Variants in PIEZO2 observed in about 807,000 individuals in gnomAD.
PIEZO2 encodes the protein piezo type mechanosensitive ion channel component 2.
In PIEZO2, 172 loss-of-function variants were observed where a neutral mutation model predicts 337.3. The ratio of observed to expected loss-of-function variants is 0.51; its 90% CI spans 0.45 to 0.58. PIEZO2 has a LOEUF of 0.58. PIEZO2 is among the 20% of genes least tolerant of loss of function. The pLI, the probability that PIEZO2 is intolerant of heterozygous loss-of-function variation, is 0.00. For synonymous variants in PIEZO2, 1,251 were observed against 1,228.5 expected, an observed-to-expected ratio of 1.02 and a Z score of -0.38; for missense variants, 3,028 against 3,391.3, an observed-to-expected ratio of 0.89 and a Z score of 2.66.
Position 10,969,843 on chromosome 18 carries a change from C to T in PIEZO2, c.286+9692G>A, listed in dbSNP as rs576671438. ...CAGGTCCAGCAGGTGAGGACACCAC[C>T]GAGAATCGGTCACAAAACAAAGCAA... On this transcript the variant is annotated intron_variant, in intron 3 of 55. Coordinates refer to ENST00000674853, the MANE Select transcript of PIEZO2 (RefSeq NM_001378183.1). The surrounding 1 kb of genome is among the most constrained non-coding windows in gnomAD (Gnocchi z 4.5). Among the ~76,000 whole-genome samples the T allele has an allele frequency of 1.3e-5, 2 of 152,126 alleles. No individual in the cohort carries two copies. The highest frequency in any genetic ancestry group is 4.2e-4 in the South Asian group (2 of 4,796).
chr18:10,756,009 A>AT (rs1598436685), intron 27 of PIEZO2, among the ~76,000 whole-genome samples: 6 of 58,146 alleles, frequency 1.0e-4, no homozygotes, highest in Non-Finnish European at 2.1e-4. Context: ...AGGGATGGAG[A>AT]ATGAGGAGGA....
chr18:11,046,336 C>A (rs1320853700), intron 2 of PIEZO2, among the ~76,000 whole-genome samples: 1 of 152,366 alleles, frequency 6.6e-6, no homozygotes, highest in South Asian at 2.1e-4. Flanking sequence ...TCCTATGGGA[C>A]AAGTGTTGGC....
At chr18:10,751,952 C>T (rs1473543225) in intron 28 of PIEZO2, among the ~76,000 whole-genome samples, 1 of 152,072 alleles carries the variant, frequency 6.6e-6, no homozygotes, top group Non-Finnish European at 1.5e-5. Flanking sequence ...TGAAACATAG[C>T]TACTTAAGAG....
chr18:10,777,846 G>T (rs747830553), intron 18 of PIEZO2, among the ~76,000 whole-genome samples: 1 of 152,124 alleles, frequency 6.6e-6, no homozygotes, highest in Admixed American at 6.5e-5. Flanking sequence ...TTATTATCTA[G>T]AACTCAAAAG....
chr18:10,768,508 A>T (rs1344002238), intron 21 of PIEZO2, among the ~76,000 whole-genome samples: 1 of 152,246 alleles, frequency 6.6e-6, no homozygotes, highest in African/African-American at 2.4e-5. Flanking sequence ...ATCACGCACA[A>T]CACGAGTGGC....
chr18:10,715,786 A>G lies in PIEZO2; in HGVS notation c.5120T>C (p.Leu1707Ser). 1 of 1,532,668 alleles carries G rather than the reference A, an allele frequency of 6.5e-7. No individual in the cohort carries two copies. The highest frequency in any genetic ancestry group is 1.2e-5 in the South Asian group (1 of 83,466). 94.9% of individuals were successfully genotyped at this position (1,532,668 alleles called of 1,614,324 possible). The change falls in exon 38 of 56, where the codon TTG becomes TCG. Residue 1707 changes from leucine to serine, a missense_variant. Leu to Ser is a moderately radical substitution (Grantham distance 145). Coordinates refer to ENST00000674853, the MANE Select transcript of PIEZO2 (RefSeq NM_001378183.1). Reference protein sequence around the residue: ...DNIIKRIFNILKFTWVLFLAT... With the variant: ...DNIIKRIFNISKFTWVLFLAT... ...CAGAAATAGGACCCAGGTAAATTTCAAAATATTAAATATCCTCTTGATGAT... is the reference window on the plus strand; with the variant it reads ...CAGAAATAGGACCCAGGTAAATTTCGAAATATTAAATATCCTCTTGATGAT...
chr18:11,098,389 AT>A (rs1215792782), intron 1 of PIEZO2, among the ~76,000 whole-genome samples: 1 of 151,820 alleles, frequency 6.6e-6, no homozygotes, highest in Non-Finnish European at 1.5e-5. Context: ...CAGTTTTCTA[AT>A]TTTTTTCTTT....
rs979862809 is a variant in PIEZO2 at position 10,766,835 on chromosome 18, G to A, written c.2946+3313C>T. ...TTTCAAGCTACTACACTAGCACCTA[G>A]CACCATGTACGCATTCACTTTATTG... On this transcript the variant is annotated intron_variant, in intron 21 of 55. Coordinates refer to ENST00000674853, the MANE Select transcript of PIEZO2 (RefSeq NM_001378183.1). This position sits in a 1 kb window ranked among gnomAD's most constrained non-coding sequence, Gnocchi z 6.1. Among the ~76,000 whole-genome samples, 2 of 152,228 alleles carry A rather than the reference G, an allele frequency of 1.3e-5. No individual in the cohort carries two copies. Among genetic ancestry groups the A allele is most frequent in the Admixed American group, 6.5e-5 (1 of 15,286 alleles).
intron 43 of PIEZO2, among the ~76,000 whole-genome samples, chr18:10,701,615 C>T (rs896820830): frequency 1.6e-4 from 25 of 152,366 alleles, no homozygotes; most frequent in Admixed American, 1.6e-3. Context: ...GTCTGATGCT[C>T]TGGCTTAAAT....
In PIEZO2 at chr18:11,078,088, TACAC is replaced by T. The variant is rs544506346; in HGVS notation, c.65-11870_65-11867del. Among the ~76,000 whole-genome samples the T allele has an allele frequency of 7.1e-6, 1 of 140,566 alleles. No individual in the cohort carries two copies. The allele number at this position is 140,566 out of a possible 152,430, so 92.2% of individuals were successfully genotyped here. On this transcript the variant is annotated intron_variant, in intron 1 of 55. Coordinates refer to ENST00000674853, the MANE Select transcript of PIEZO2 (RefSeq NM_001378183.1). This position sits in a 1 kb window ranked among gnomAD's most constrained non-coding sequence, Gnocchi z 5.3. Reference sequence around the variant, plus strand: ...CACACCACACACACAAAAACAAACATACACACACACAAACACATACACATATACA... The same window carrying T: ...CACACCACACACACAAAAACAAACATACACACAAACACATACACATATACA...
intron 4 of PIEZO2, among the ~76,000 whole-genome samples, chr18:10,897,436 G>C (rs1031222252): frequency 6.6e-6 from 1 of 152,092 alleles, no homozygotes; most frequent in Admixed American, 6.6e-5. Context: ...TGATCTACTC[G>C]CCTCAGCCTC....
In PIEZO2 at chr18:10,877,241, T is replaced by C. The variant is rs542494622; in HGVS notation, c.330-5826A>G. ...TAATCAGCATCCACATGGTGACTTA[T>C]CCATTCATTTCAATCAGAATCACAG... On this transcript the variant is annotated intron_variant, in intron 4 of 55. Transcript: ENST00000674853. This position sits in a 1 kb window ranked among gnomAD's most constrained non-coding sequence, Gnocchi z 5.3. Among the ~76,000 whole-genome samples the C allele has an allele frequency of 2.0e-5, 3 of 152,314 alleles. No homozygotes were observed. The South Asian group carries it at 6.2e-4, about 32-fold the overall frequency.
Position 11,109,747 on chromosome 18 carries a change from T to G in PIEZO2, c.64+38778A>C, listed in dbSNP as rs1167206493. Among the ~76,000 whole-genome samples, 4 of 152,120 alleles carry G rather than the reference T, an allele frequency of 2.6e-5. No homozygotes were observed. Among genetic ancestry groups the G allele is most frequent in the Non-Finnish European group, 5.9e-5 (4 of 68,012 alleles). On this transcript the variant is annotated intron_variant, in intron 1 of 55. Transcript: ENST00000674853. This position sits in a 1 kb window ranked among gnomAD's most constrained non-coding sequence, Gnocchi z 5.1. ...AAAAAAGGTACTAGAAACAGAATCC[T>G]TAATGCTAAGAAGCAAAAATGTGTA...
At chr18:11,124,836 A>G (rs954872467) in intron 1 of PIEZO2, among the ~76,000 whole-genome samples, 7 of 152,228 alleles carry the variant, frequency 4.6e-5, no homozygotes, top group Middle Eastern at 3.2e-3. Flanking sequence ...TGGATCGTAC[A>G]TGGTCAGATT....
rs1006596948 is a variant in PIEZO2, at chr18:10,795,602, A to G, written c.1528-600T>C. On this transcript the variant is annotated intron_variant, in intron 12 of 55. Transcript: ENST00000674853. This position sits in a 1 kb window ranked among gnomAD's most constrained non-coding sequence, Gnocchi z 4.4. ...TGAAGAATAGAGCTGGCAATCCCCA[A>G]ATTAGCCTCTTCAATTTTGTGGTGC... is the stretch of plus-strand genomic sequence containing the variant. Among the ~76,000 whole-genome samples, 7 of 152,004 alleles carry G rather than the reference A, an allele frequency of 4.6e-5. No homozygotes were observed. Among genetic ancestry groups the G allele is most frequent in the African/African-American group, 1.7e-4 (7 of 41,370 alleles).
intron 8 of PIEZO2, among the ~76,000 whole-genome samples, chr18:10,805,247 C>T (rs193095756): frequency 1.6e-4 from 24 of 152,364 alleles, no homozygotes; most frequent in East Asian, 1.9e-4. Context: ...ATCGTGGTGG[C>T]TCATGCCTGT....
Position 11,111,501 on chromosome 18 carries a change from A to G in PIEZO2, c.64+37024T>C, listed in dbSNP as rs1598977257. Reference sequence around the variant, plus strand: ...GGCTGCCCCTTCTGGAGAAGCATGCACCACCCAGTGGCCAGGGCCCTCCAA... The same window carrying G: ...GGCTGCCCCTTCTGGAGAAGCATGCGCCACCCAGTGGCCAGGGCCCTCCAA... On this transcript the variant is annotated intron_variant, in intron 1 of 55. Coordinates refer to ENST00000674853, the MANE Select transcript of PIEZO2 (RefSeq NM_001378183.1). This position sits in a 1 kb window ranked among gnomAD's most constrained non-coding sequence, Gnocchi z 6.2. Among the ~76,000 whole-genome samples, 1 of 152,152 alleles carries G rather than the reference A, an allele frequency of 6.6e-6. No individual in the cohort carries two copies. Among genetic ancestry groups the G allele is most frequent in the African/African-American group, 2.4e-5 (1 of 41,428 alleles).
In PIEZO2 at chr18:10,794,356, C is replaced by T. The variant is rs28537845; in HGVS notation, c.1758+416G>A. Reference sequence around the variant, plus strand: ...TCTTTAGGAAAGAATTGGAGAAAAACGTCATGAATAATCAATACTTATCTG... The same window carrying T: ...TCTTTAGGAAAGAATTGGAGAAAAATGTCATGAATAATCAATACTTATCTG... On this transcript the variant is annotated intron_variant, in intron 13 of 55. Transcript: ENST00000674853. The surrounding 1 kb of genome is among the most constrained non-coding windows in gnomAD (Gnocchi z 6.6). 0.17 allele frequency among the ~76,000 whole-genome samples: 25,640 copies of T among 152,022 alleles called. 2,488 individuals are homozygous for T. The highest frequency in any genetic ancestry group is 0.39 in the East Asian group (2,026 of 5,158).
At chr18:10,914,868 G>T (rs1212642894) in intron 3 of PIEZO2, among the ~76,000 whole-genome samples, 1 of 152,178 alleles carries the variant, frequency 6.6e-6, no homozygotes, top group African/African-American at 2.4e-5. Flanking sequence ...TGCAGAGCAG[G>T]TCCCAATGTC....
Sources: allele counts gnomAD v4.1 joint callset (sites outside exome capture counted in the v4.1 genomes callset), GRCh38; gene constraint gnomAD v4.1.1; non-coding constraint Gnocchi (gnomAD v3.1); transcripts MANE v1.5; gene names NCBI Gene and HGNC (gene_info 2026-07-23, HGNC 2026-07-21).